Variants in METAP1D observed in about 807,000 individuals in gnomAD.
METAP1D encodes methionine aminopeptidase 1D, mitochondrial.
Under a neutral mutation model 40.5 loss-of-function variants are expected in METAP1D, and 31 were observed. The ratio of observed to expected loss-of-function variants is 0.77; its 90% CI spans 0.58 to 1.03. The LOEUF (loss-of-function observed/expected upper bound fraction) is 1.03, where lower values mean the gene tolerates loss of function less well. METAP1D is among the 50% of genes least tolerant of loss of function. The pLI, the probability that METAP1D is intolerant of heterozygous loss-of-function variation, is 0.00. For missense variants in METAP1D, 411 were observed against 420.7 expected (o/e 0.98, Z 0.20); for synonymous variants, 151 against 146.4 (o/e 1.03, Z -0.22).
chr2:172,023,255 A>C (rs1689046805), intron 1 of METAP1D, among the ~76,000 whole-genome samples: 1 of 152,240 alleles, frequency 6.6e-6, no homozygotes, highest in South Asian at 2.1e-4. Flanking sequence ...TTTCATTTGG[A>C]AATTTTAAAA....
intron 1 of METAP1D, among the ~76,000 whole-genome samples, chr2:172,050,930 T>C (rs1689872154): frequency 6.6e-6 from 1 of 152,222 alleles, no homozygotes; most frequent in Non-Finnish European, 1.5e-5. Flanking sequence ...AAGGATACAA[T>C]ATTTCTTTGT....
chr2:172,021,433 G>T (rs192742151), intron 1 of METAP1D, among the ~76,000 whole-genome samples: 10 of 152,314 alleles, frequency 6.6e-5, no homozygotes, highest in African/African-American at 2.2e-4. Flanking sequence ...GTCACCTGCA[G>T]AGTAAGCTAA....
At chr2:172,009,985 G>A (rs941105248) in intron 1 of METAP1D, among the ~76,000 whole-genome samples, 2 of 152,098 alleles carry the variant, frequency 1.3e-5, no homozygotes, top group South Asian at 4.2e-4. Flanking sequence ...GTAGGGAAAA[G>A]AGTCTCTAAG....
rs201116920 is a variant in METAP1D, at chr2:172,079,283, G to A, written c.850+21G>A. 1.0e-4 allele frequency: 169 copies of A among 1,613,350 alleles called. No homozygotes were observed. The highest frequency in any genetic ancestry group is 3.5e-4 in the South Asian group (32 of 91,066). The stretch of plus-strand genomic sequence containing the variant: ...TATAGGTAAATTGAGCTCCTCTTCC[G>A]AGTGAGTGCGTAGCTCCTGGTGGAA... On this transcript the variant is annotated intron_variant, in intron 8 of 9. Coordinates refer to ENST00000315796, the MANE Select transcript of METAP1D (RefSeq NM_199227.3).
intron 1 of METAP1D, among the ~76,000 whole-genome samples, chr2:172,033,962 G>A (rs1185838902): frequency 2.6e-5 from 4 of 151,448 alleles, no homozygotes; most frequent in East Asian, 3.9e-4. Context: ...CTGTAATCCC[G>A]GCTACTCGGG....
intron 1 of METAP1D, among the ~76,000 whole-genome samples, chr2:172,025,899 T>C (rs1324100893): frequency 1.3e-5 from 2 of 152,212 alleles, no homozygotes; most frequent in Non-Finnish European, 2.9e-5. Flanking sequence ...GAAGCAATTG[T>C]TAGATATATC....
chr2:172,058,638 C>G (rs958830626), intron 1 of METAP1D, among the ~76,000 whole-genome samples: 1 of 152,106 alleles, frequency 6.6e-6, no homozygotes, highest in African/African-American at 2.4e-5. Flanking sequence ...CAGCTGCCCT[C>G]CAAAGTAGCT....
chr2:172,060,005 C>T (rs545566570), intron 1 of METAP1D, among the ~76,000 whole-genome samples: 8 of 152,144 alleles, frequency 5.3e-5, no homozygotes, highest in Admixed American at 5.2e-4. Flanking sequence ...GAGCCAAGAT[C>T]GCGCCACTGT....
At chr2:172,008,074 T>C (rs1688631188) in intron 1 of METAP1D, among the ~76,000 whole-genome samples, 1 of 151,502 alleles carries the variant, frequency 6.6e-6, no homozygotes. Flanking sequence ...GGTTAGCCTA[T>C]TGGTTCTGTG....
At chr2:172,055,013 C>G (rs953335952) in intron 1 of METAP1D, among the ~76,000 whole-genome samples, 1 of 152,200 alleles carries the variant, frequency 6.6e-6, no homozygotes, top group Non-Finnish European at 1.5e-5. Context: ...CTTGCAAGAT[C>G]AAATTAGTAT....
intron 1 of METAP1D, among the ~76,000 whole-genome samples, chr2:172,001,793 C>G (rs1377246147): frequency 6.6e-6 from 1 of 151,982 alleles, no homozygotes; most frequent in Non-Finnish European, 1.5e-5. Context: ...ATTTACATCT[C>G]TCAAGATCTG....
chr2:172,080,610 G>GA lies in METAP1D; in HGVS notation c.*209dup. 1 of 620,404 alleles carries GA rather than the reference G, an allele frequency of 1.6e-6. No individual in the cohort carries two copies. The highest frequency in any genetic ancestry group is 2.0e-5 in the South Asian group (1 of 50,960). 38.4% of individuals were successfully genotyped at this position (620,404 alleles called of 1,614,324 possible). ...GCCCTGCTGGGGTCGCGCGGCTTTG[G>GA]AAAAACAAATCCTGGCCCTGGACTC... On this transcript the variant is annotated 3_prime_UTR_variant, in exon 10 of 10. Coordinates refer to ENST00000315796, the MANE Select transcript of METAP1D (RefSeq NM_199227.3).
At chr2:172,018,571 T>G (rs1179433299) in intron 1 of METAP1D, among the ~76,000 whole-genome samples, 1 of 152,164 alleles carries the variant, frequency 6.6e-6, no homozygotes, top group African/African-American at 2.4e-5. Context: ...TCTGGCAGAA[T>G]TATTCTTAGG....
rs574660282 is a variant in METAP1D at position 172,025,931 on chromosome 2, A to G, written c.40+25922A>G. On this transcript the variant is annotated intron_variant, in intron 1 of 9. Transcript: ENST00000315796. ...TATCATTACATCTAGTAAATATTTT[A>G]GTAGGCATCTCTAAAATATTAAAAT... Among the ~76,000 whole-genome samples, 8 of 152,356 alleles carry G rather than the reference A, an allele frequency of 5.3e-5. No individual in the cohort carries two copies. The East Asian group carries it at 1.3e-3, about 26-fold the overall frequency.
chr2:172,036,309 T>G (rs1689383587), intron 1 of METAP1D, among the ~76,000 whole-genome samples: 2 of 126,986 alleles, frequency 1.6e-5, no homozygotes, highest in South Asian at 5.4e-4. Flanking sequence ...AGAGCGAGAC[T>G]CTGTCTCAAG....
intron 1 of METAP1D, among the ~76,000 whole-genome samples, chr2:172,037,291 T>TGG (rs1212504363): frequency 4.6e-5 from 7 of 150,770 alleles, no homozygotes; most frequent in African/African-American, 1.7e-4. Context: ...AGGTTTTACT[T>TGG]GGGGTGTGTG....
rs571017549 is a variant in METAP1D, at chr2:172,079,205, T to C, written c.803-10T>C. 1 of 1,613,976 alleles carries C rather than the reference T, an allele frequency of 6.2e-7. No individual in the cohort carries two copies. Among genetic ancestry groups the C allele is most frequent in the African/African-American group, 1.3e-5 (1 of 75,034 alleles). On this transcript the variant is annotated splice_polypyrimidine_tract_variant and intron_variant, in intron 7 of 9. Coordinates refer to ENST00000315796, the MANE Select transcript of METAP1D (RefSeq NM_199227.3). ...TCCTATTCTCACCCCCCATGTTTTTTGTTTTGCAGCAAACGACAGTGATCT... is the reference window on the plus strand; with the variant it reads ...TCCTATTCTCACCCCCCATGTTTTTCGTTTTGCAGCAAACGACAGTGATCT...
Position 172,080,664 on chromosome 2 carries a change from AG to A in METAP1D, c.*262del. ...TTCCCAGCGCGGTCAACGCATCTGGAGGGGACTGGAGGAAACCCCCTTGTTG... is the reference window on the plus strand; with the variant it reads ...TTCCCAGCGCGGTCAACGCATCTGGAGGGACTGGAGGAAACCCCCTTGTTG... On this transcript the variant is annotated 3_prime_UTR_variant, in exon 10 of 10. Transcript: ENST00000315796. 1 of 585,934 alleles carries A rather than the reference AG, an allele frequency of 1.7e-6. No homozygotes were observed. Among genetic ancestry groups the A allele is most frequent in the South Asian group, 2.0e-5 (1 of 49,012 alleles). The allele number at this position is 585,934 out of a possible 1,614,324, so 36.3% of individuals were successfully genotyped here.
rs753993921 is a variant in METAP1D at position 172,061,515 on chromosome 2, T to C, written c.58T>C (p.Ser20Pro). 1.9e-6 allele frequency: 3 copies of C among 1,609,256 alleles called. No homozygotes were observed. The African/African-American group carries it at 4.0e-5, about 22-fold the overall frequency. ...LVRRGSHRIF[S>P]SPLNHIYLHK... Reference sequence around the variant, plus strand: ...GCTCACAGGTTCTCATAGAATTTTCTCTTCACCACTCAATCATATCTACTT... The same window carrying C: ...GCTCACAGGTTCTCATAGAATTTTCCCTTCACCACTCAATCATATCTACTT... The change falls in exon 2 of 10, where the codon TCT becomes CCT. Residue 20 changes from serine (S) to proline (P), a missense_variant. Ser to Pro is a moderately conservative substitution (Grantham distance 74). Transcript: ENST00000315796.
Sources: gnomAD v4.1 joint callset for allele counts (sites outside exome capture counted in the v4.1 genomes callset) on GRCh38, gnomAD v4.1.1 for gene constraint, MANE v1.5 for transcripts, NCBI Gene and HGNC (gene_info 2026-07-23, HGNC 2026-07-21) for gene names.